LINGO3: variants seen among roughly 807,000 people sequenced by gnomAD.
The protein encoded by LINGO3 is leucine-rich repeat and immunoglobulin-like domain-containing nogo receptor-interacting protein 3.
For synonymous variants in LINGO3, 427 were observed against 444.2 expected, an observed-to-expected ratio of 0.96 and a Z score of 0.49; for missense variants, 750 against 867.7, an observed-to-expected ratio of 0.86 and a Z score of 1.70.
rs201174050 is a variant in LINGO3 at position 2,290,230 on chromosome 19, G to C, written c.1547C>G (p.Ala516Gly). Residue 516 changes from alanine (A) to glycine (G), a missense_variant, in exon 1 of 1, where the codon GCG becomes GGG. Physicochemically the swap from Ala to Gly is moderately conservative, Grantham distance 60 (BLOSUM62 0). Coordinates refer to ENST00000585527, the Ensembl canonical transcript of LINGO3. This position sits in a 1 kb window ranked among gnomAD's most constrained non-coding sequence, Gnocchi z 6.0. ...GAGGTCGAGCGGCGCGCGCAGGGCC[G>C]CCAGCGTCTCGTTGTGGGCCTCGCC... is the stretch of plus-strand genomic sequence containing the variant. The C allele has an allele frequency of 6.2e-7, 1 of 1,605,358 alleles. No individual in the cohort carries two copies. Among genetic ancestry groups the C allele is most frequent in the Non-Finnish European group, 8.5e-7 (1 of 1,177,722 alleles).
chr19:2,306,867 G>A, the LINGO3 span, among the ~76,000 whole-genome samples: 414 of 152,212 alleles, frequency 2.7e-3, no homozygotes, highest in Middle Eastern at 0.02. Flanking sequence ...TCCTGTCTCC[G>A]ACGATGGCTG....
the LINGO3 span, among the ~76,000 whole-genome samples, chr19:2,299,195 C>G: frequency 6.6e-6 from 1 of 152,174 alleles, no homozygotes; most frequent in Non-Finnish European, 1.5e-5. Context: ...CGGCCTGGCC[C>G]TGTCATTTCC....
At chr19:2,289,899 C>T in exon 1 of LINGO3, 1 of 1,013,078 alleles carries the variant, frequency 9.9e-7, no homozygotes, top group Non-Finnish European at 1.4e-6. Context: ...CTGGGGAGCG[C>T]CGTGCAGCCG....
the LINGO3 span, among the ~76,000 whole-genome samples, chr19:2,303,176 C>G: frequency 2.6e-5 from 4 of 152,260 alleles, no homozygotes; most frequent in Admixed American, 6.5e-5. Flanking sequence ...CTTCCTGTCT[C>G]TGCGAATTGG....
the LINGO3 span, among the ~76,000 whole-genome samples, chr19:2,307,214 C>A: frequency 1.3e-5 from 2 of 152,222 alleles, no homozygotes; most frequent in African/African-American, 2.4e-5. Flanking sequence ...ATGGTTTAGC[C>A]AGGGACCGCT....
chr19:2,298,583 C>T, the LINGO3 span, among the ~76,000 whole-genome samples: 1 of 146,048 alleles, frequency 6.8e-6, no homozygotes, highest in Non-Finnish European at 1.5e-5. Context: ...CTCTGTCATC[C>T]AGGCTGGAGT....
At position 2,291,488 on chromosome 19, in the gene LINGO3, C is replaced by T. The variant is rs755322420; in HGVS notation, c.289G>A (p.Ala97Thr). ...CGCAGGCGCGGCAGGTTGGCGAAGG[C>T]GCCGGGCTCCACGTGCGCGATGGCG... Residue 97 changes from alanine (A) to threonine (T), a missense_variant, in exon 1 of 1, where the codon GCC (alanine) becomes ACC (threonine). Physicochemically the swap from Ala to Thr is moderately conservative, Grantham distance 58. Coordinates refer to ENST00000585527, the Ensembl canonical transcript of LINGO3. 4 of 1,612,066 alleles carry T rather than the reference C, an allele frequency of 2.5e-6. No individual in the cohort carries two copies. In the South Asian group the frequency reaches 4.4e-5, roughly 18 times the overall value.
chr19:2,304,709 G>C, the LINGO3 span, among the ~76,000 whole-genome samples: 1 of 81,946 alleles, frequency 1.2e-5, no homozygotes, highest in South Asian at 4.6e-4. Context: ...GCCATGTCCT[G>C]CTTTTTTTTT....
downstream of LINGO3, among the ~76,000 whole-genome samples, chr19:2,289,282 CTGGG>C (rs1235064085): frequency 2.0e-5 from 3 of 149,698 alleles, no homozygotes; most frequent in South Asian, 2.1e-4. Flanking sequence ...TGTGTGTGTC[CTGGG>C]TGTGAGCTGT....
At chr19:2,293,165 C>T (rs924972758), upstream of LINGO3, among the ~76,000 whole-genome samples, 8 of 151,496 alleles carry the variant, frequency 5.3e-5, no homozygotes, top group South Asian at 1.0e-3. Context: ...CCCGGGTTCA[C>T]GCCATTCTCC....
chr19:2,301,648 G>A, the LINGO3 span, among the ~76,000 whole-genome samples: 1 of 152,134 alleles, frequency 6.6e-6, no homozygotes, highest in South Asian at 2.1e-4. Flanking sequence ...GCGACCCCGG[G>A]GCTGGGTGCG....
At chr19:2,300,662 C>T in the LINGO3 span, among the ~76,000 whole-genome samples, 1 of 152,132 alleles carries the variant, frequency 6.6e-6, no homozygotes, top group Non-Finnish European at 1.5e-5. Flanking sequence ...CACCCTTCCT[C>T]TCCCACAGGC....
upstream of LINGO3, among the ~76,000 whole-genome samples, chr19:2,296,891 A>G (rs979456693): frequency 3.3e-5 from 5 of 150,686 alleles, no homozygotes; most frequent in Admixed American, 6.6e-5. Flanking sequence ...GATCGAGACC[A>G]TCCTGGCTAA....
chr19:2,305,992 C>T, the LINGO3 span, among the ~76,000 whole-genome samples: 1 of 152,140 alleles, frequency 6.6e-6, no homozygotes, highest in South Asian at 2.1e-4. Context: ...TGTTAGTCCC[C>T]GTCAACCCCT....
downstream of LINGO3, among the ~76,000 whole-genome samples, chr19:2,289,393 G>C (rs1345257470): frequency 6.6e-6 from 1 of 152,076 alleles, no homozygotes. Flanking sequence ...CCCCGGGTCT[G>C]GTTTTAGTGT....
chr19:2,301,947 A>T, the LINGO3 span, among the ~76,000 whole-genome samples: 1 of 149,918 alleles, frequency 6.7e-6, no homozygotes, highest in African/African-American at 2.4e-5. Context: ...AAAAAAAAAA[A>T]GAGGAAAAGA....
chr19:2,304,411 G>C, the LINGO3 span, among the ~76,000 whole-genome samples: 9 of 152,192 alleles, frequency 5.9e-5, no homozygotes, highest in East Asian at 1.7e-3. Flanking sequence ...CTAATCCCCG[G>C]AACTGCAGAT....
chr19:2,291,723 C>G, exon 1 of LINGO3: 1 of 1,343,976 alleles, frequency 7.4e-7, no homozygotes, highest in South Asian at 1.7e-5. Flanking sequence ...CCGGGGGCGG[C>G]GCCGCGGGCA....
downstream of LINGO3, chr19:2,289,750 C>G: frequency 2.7e-6 from 1 of 372,656 alleles, no homozygotes; most frequent in East Asian, 4.7e-5. Flanking sequence ...GCACCCCCAC[C>G]CCCCAGCTCA....
Sources: gnomAD v4.1 joint callset for allele counts (sites outside exome capture counted in the v4.1 genomes callset) on GRCh38, gnomAD v4.1.1 for gene constraint, Gnocchi (gnomAD v3.1) non-coding constraint, MANE v1.5 for transcripts, NCBI Gene and HGNC (gene_info 2026-07-23, HGNC 2026-07-21) for gene names.